Variants in PECR observed in about 807,000 individuals in gnomAD.
The protein encoded by PECR is peroxisomal trans-2-enoyl-CoA reductase.
Under a neutral mutation model 35.3 loss-of-function variants are expected in PECR, and 30 were observed. The observed-to-expected ratio is 0.85, with a 90% CI of 0.64 to 1.15. PECR has a LOEUF of 1.15. Among genes scored for constraint, PECR ranks in the 50% most tolerant of loss-of-function variants. The pLI, the probability that PECR is intolerant of heterozygous loss-of-function variation, is 0.00. For missense variants in PECR, 392 were observed against 370.8 expected (o/e 1.06, Z -0.47); for synonymous variants, 148 against 138.9 (o/e 1.07, Z -0.46).
In PECR at chr2:216,043,082, C is replaced by T. The variant is rs4674056; in HGVS notation, c.826+822G>A. Reference sequence around the variant, plus strand: ...ACGTATATATGTATGTATATATATACACATACATATATATGTATGCGTATA... The same window carrying T: ...ACGTATATATGTATGTATATATATATACATACATATATATGTATGCGTATA... On this transcript the variant is annotated intron_variant, in intron 7 of 7. Coordinates refer to ENST00000265322, the MANE Select transcript of PECR (RefSeq NM_018441.6). 2.2e-4 allele frequency among the ~76,000 whole-genome samples: 23 copies of T among 106,704 alleles called. 2 individuals are homozygous for T. Among genetic ancestry groups the T allele is most frequent in the African/African-American group, 6.9e-4 (18 of 26,022 alleles). The allele number at this position is 106,704 out of a possible 152,430, so 70.0% of individuals were successfully genotyped here.
downstream of PECR, among the ~76,000 whole-genome samples, chr2:216,036,412 G>A (rs1694793188): frequency 6.6e-6 from 1 of 152,228 alleles, no homozygotes; most frequent in Admixed American, 6.5e-5. Context: ...GTGCCAAAGA[G>A]GGAGGCTCTT....
intron 7 of PECR, among the ~76,000 whole-genome samples, chr2:216,029,555 C>A (rs2105933717): frequency 6.6e-6 from 1 of 152,342 alleles, no homozygotes; most frequent in East Asian, 1.9e-4. Flanking sequence ...TATGCACCTC[C>A]CCCTGCCTCC....
intron 6 of PECR, among the ~76,000 whole-genome samples, chr2:216,048,666 C>T (rs888058996): frequency 4.0e-5 from 6 of 151,706 alleles, no homozygotes; most frequent in South Asian, 2.1e-4. Context: ...GCCAAGATCG[C>T]GCCACTGCAC....
At chr2:216,066,301 G>T in intron 2 of PECR, 84 bp downstream of exon 2, 2 of 1,123,184 alleles carry the variant, frequency 1.8e-6, no homozygotes, top group South Asian at 2.5e-5. Flanking sequence ...GCTACAATAG[G>T]AGAACCTGAA....
chr2:216,035,652 AT>A (rs1694782261), downstream of PECR, among the ~76,000 whole-genome samples: 1 of 151,876 alleles, frequency 6.6e-6, no homozygotes, highest in Non-Finnish European at 1.5e-5. Flanking sequence ...AGGCCGGCTA[AT>A]TTTTTGTATT....
At chr2:216,037,947 T>C (rs1003411488), downstream of PECR, among the ~76,000 whole-genome samples, 11 of 152,138 alleles carry the variant, frequency 7.2e-5, no homozygotes, top group Admixed American at 3.3e-4. Context: ...TGGCCGGGCG[T>C]GGTGGTGCAC....
At chr2:216,042,998 T>C (rs1694918053) in intron 7 of PECR, among the ~76,000 whole-genome samples, 2 of 143,664 alleles carry the variant, frequency 1.4e-5, no homozygotes, top group African/African-American at 5.2e-5. Flanking sequence ...TATACATACG[T>C]ATATGTGTAT....
chr2:216,071,443 A>G (rs1235692875), intron 1 of PECR, among the ~76,000 whole-genome samples: 2 of 151,900 alleles, frequency 1.3e-5, no homozygotes, highest in African/African-American at 4.9e-5. Flanking sequence ...GCAACAGTAT[A>G]GCAAAGAAAA....
At chr2:216,034,130 A>G (rs1173478740), downstream of PECR, 3 of 152,244 alleles carry the variant, frequency 2.0e-5, no homozygotes, top group African/African-American at 7.2e-5. Context: ...CTAAGAAGCC[A>G]CTGCCCAGAC....
Position 216,081,749 on chromosome 2 carries a change from G to T in PECR, c.-8C>A. The T allele has an allele frequency of 6.2e-7, 1 of 1,612,700 alleles. No homozygotes were observed. Among genetic ancestry groups the T allele is most frequent in the South Asian group, 1.1e-5 (1 of 91,014 alleles). The stretch of plus-strand genomic sequence containing the variant: ...CTTAGCCCAGGAGGCCATCCCTGCA[G>T]CGGGGTGCCAGAGCAGCTGAGCGCA... On this transcript the variant is annotated 5_prime_UTR_variant, in exon 1 of 8. It adds an upstream start codon to the 5' untranslated region. Coordinates refer to ENST00000265322, the MANE Select transcript of PECR (RefSeq NM_018441.6).
At chr2:216,036,760 G>C (rs1362536368), downstream of PECR, among the ~76,000 whole-genome samples, 1 of 152,076 alleles carries the variant, frequency 6.6e-6, no homozygotes. Context: ...TATCCTTCAT[G>C]GGCCTGGTAC....
chr2:216,034,516 T>C (rs980156139), downstream of PECR, among the ~76,000 whole-genome samples: 16 of 152,274 alleles, frequency 1.1e-4, no homozygotes, highest in Admixed American at 2.6e-4. Flanking sequence ...TGATATTTTT[T>C]TTTCCTACCC....
chr2:216,054,601 G>T (rs1446270441), intron 4 of PECR, among the ~76,000 whole-genome samples: 1 of 151,596 alleles, frequency 6.6e-6, no homozygotes, highest in Non-Finnish European at 1.5e-5. Context: ...CTCCCAAAGT[G>T]CTGGGATTAC....
At chr2:216,031,428 GA>G (rs35132167) in intron 7 of PECR, among the ~76,000 whole-genome samples, 15,949 of 55,332 alleles carry the variant, frequency 0.29, 1,172 homozygotes, top group East Asian at 0.4. Context: ...AAGAAAGAAA[GA>G]AAAGAAAGAA....
chr2:216,058,533 A>G (rs1328265726), intron 4 of PECR, among the ~76,000 whole-genome samples: 1 of 152,164 alleles, frequency 6.6e-6, no homozygotes, highest in Non-Finnish European at 1.5e-5. Context: ...AAATTAACAC[A>G]GATTAGTTTC....
chr2:216,066,595 A>C (rs970855355), intron 1 of PECR, 77 bp from the exon 2 acceptor site: 67 of 1,328,396 alleles, frequency 5.0e-5, no homozygotes, highest in Non-Finnish European at 6.3e-5. Flanking sequence ...TGAAAAGTAA[A>C]CCGCCAGGGA....
In PECR at chr2:216,049,374, CT is replaced by C; in HGVS notation, c.604-2del. On this transcript the variant is annotated splice_acceptor_variant, in intron 5 of 7. Coordinates refer to ENST00000265322, the MANE Select transcript of PECR (RefSeq NM_018441.6). LOFTEE classifies it high-confidence loss of function. ...CAGCAGTCTGGGAATAAATAACTCC[CT>C]GTGTTTAAAAATAAAACAGGGACAA... 7.4e-7 allele frequency: 1 copy of C among 1,352,120 alleles called. No individual in the cohort carries two copies. Among genetic ancestry groups the C allele is most frequent in the Non-Finnish European group, 1.1e-6 (1 of 941,556 alleles). The allele number at this position is 1,352,120 out of a possible 1,614,324, so 83.8% of individuals were successfully genotyped here.
intron 6 of PECR, among the ~76,000 whole-genome samples, chr2:216,048,785 G>C (rs915541031): frequency 7.1e-6 from 1 of 140,840 alleles, no homozygotes; most frequent in African/African-American, 2.6e-5. Context: ...CAAGCCTGCA[G>C]TGAGCTATGA....
At chr2:216,062,590 C>T (rs192996666) in intron 3 of PECR, among the ~76,000 whole-genome samples, 62 of 152,132 alleles carry the variant, frequency 4.1e-4, no homozygotes, top group African/African-American at 1.4e-3. Flanking sequence ...TGGGTCGGGA[C>T]TTTAGGGCAG....
Sources: allele counts gnomAD v4.1 joint callset (sites outside exome capture counted in the v4.1 genomes callset), GRCh38; gene constraint gnomAD v4.1.1; transcripts MANE v1.5; gene names NCBI Gene and HGNC (gene_info 2026-07-23, HGNC 2026-07-21).